The following RUBCN variants were observed in gnomAD, a reference collection of about 807,000 sequenced individuals.
RUBCN encodes run domain Beclin-1-interacting and cysteine-rich domain-containing protein.
RUBCN carries 74 observed loss-of-function variants against 113.2 expected under a neutral mutation model. The ratio of observed to expected loss-of-function variants is 0.65; its 90% confidence interval spans 0.54 to 0.79. The LOEUF (loss-of-function observed/expected upper bound fraction) is 0.79. Among genes scored for constraint, RUBCN ranks in the 30% least tolerant of loss-of-function variants. RUBCN has a pLI of 0.00. For synonymous variants in RUBCN, 480 were observed against 490.0 expected, an observed-to-expected ratio of 0.98 and a Z score of 0.27; for missense variants, 1,109 against 1,251.7, an observed-to-expected ratio of 0.89 and a Z score of 1.72.
rs1721498999 is a variant in RUBCN at position 197,683,505 on chromosome 3, C to G, written c.1848-66G>C. On this transcript the variant is annotated intron_variant, in intron 12 of 19. Transcript: ENST00000296343. This position sits in a 1 kb window ranked among gnomAD's most constrained non-coding sequence, Gnocchi z 4.6. ...GGATGGGCGATGCGAGGCTTCCCTT[C>G]ATGATCTCATCCCCCACGCAGCAAC... The G allele has an allele frequency of 1.3e-6, 2 of 1,585,264 alleles. No individual in the cohort carries two copies. The highest frequency in any genetic ancestry group is 2.2e-5 in the South Asian group (2 of 89,528).
rs369273797 is a variant in RUBCN, at chr3:197,676,977, G to A, written c.2554C>T (p.Leu852=). The change falls in exon 18 of 20, where the codon CTG becomes TTG. Residue 852 remains leucine, a synonymous_variant. Coordinates refer to ENST00000296343, the MANE Select transcript of RUBCN (RefSeq NM_014687.4). ...HLTEDLHLYS[L]NDLTATRKGE... Reference sequence around the variant, plus strand: ...TTCCTGGTCGCAGTCAGGTCATTCAGTGAGTACAGGTGGAGGTCCTCTGTC... The same window carrying A: ...TTCCTGGTCGCAGTCAGGTCATTCAATGAGTACAGGTGGAGGTCCTCTGTC... 8 of 1,614,090 alleles carry A rather than the reference G, an allele frequency of 5.0e-6. No individual in the cohort carries two copies. The highest frequency in any genetic ancestry group is 2.2e-5 in the East Asian group (1 of 44,902).
At chr3:197,677,635 A>G in intron 16 of RUBCN, 94 bp from the exon 17 acceptor site, 1 of 1,132,856 alleles carries the variant, frequency 8.8e-7, no homozygotes, top group Non-Finnish European at 1.3e-6. Flanking sequence ...CTGGGGTTCT[A>G]GAAGCCTTGC....
At position 197,673,546 on chromosome 3, in the gene RUBCN, G is replaced by A. The variant is rs1719992958; in HGVS notation, c.*1472C>T. ...TAGTTCACAGAGCTGCCAGCTCTTGGAGAAGCCACTCTGACCAGTGTTTTC... is the reference window on the plus strand; with the variant it reads ...TAGTTCACAGAGCTGCCAGCTCTTGAAGAAGCCACTCTGACCAGTGTTTTC... On this transcript the variant is annotated 3_prime_UTR_variant, in exon 20 of 20. Transcript: ENST00000296343. 1 of 152,242 alleles carries A rather than the reference G, an allele frequency of 6.6e-6. No homozygotes were observed. The highest frequency in any genetic ancestry group is 2.1e-4 in the South Asian group (1 of 4,832). The allele number at this position is 152,242 out of a possible 1,614,324, so 9.4% of individuals were successfully genotyped here. A position where few individuals can be genotyped will look rare whatever the true frequency, so the allele number is the denominator to read the frequency against.
chr3:197,749,304 T>C, exon 1 of RUBCN: 3 of 1,140,866 alleles, frequency 2.6e-6, no homozygotes, highest in Non-Finnish European at 3.3e-6. Flanking sequence ...ATTAGGGTAG[T>C]GAACACCGTG....
At position 197,726,135 on chromosome 3, in the gene RUBCN, T is replaced by C. The variant is rs1250429720; in HGVS notation, c.66-8005A>G. Among the ~76,000 whole-genome samples the C allele has an allele frequency of 5.9e-5, 9 of 152,254 alleles. No homozygotes were observed. The South Asian group carries it at 8.3e-4, about 14-fold the overall frequency. ...AAAGCGTATGATGTCGCTATACCAT[T>C]CCTTCTAAAAATACTTTAAGACTGT... On this transcript the variant is annotated intron_variant, in intron 1 of 19. Coordinates refer to ENST00000296343, the MANE Select transcript of RUBCN (RefSeq NM_014687.4).
intron 10 of RUBCN, 26 bp downstream of exon 10, chr3:197,694,349 C>A (rs775381138): frequency 6.2e-7 from 1 of 1,607,834 alleles, no homozygotes; most frequent in Non-Finnish European, 8.5e-7. Context: ...AATGTGGGAA[C>A]AGAAGCATCC....
rs780256104 is a variant in RUBCN at position 197,675,152 on chromosome 3, A to C, written c.2785T>G (p.Cys929Gly). 6.2e-7 allele frequency: 1 copy of C among 1,614,106 alleles called. No individual in the cohort carries two copies. The highest frequency in any genetic ancestry group is 2.2e-5 in the East Asian group (1 of 44,890). ...GCCTGCAGCCGCTCGCAGCGCGGAC[A>C]GCTTCCAGACTTGAAGCAGGCTTTA... Reference protein sequence around the residue: ...YHKACFKSGSCPRCERLQARR... With the variant: ...YHKACFKSGSGPRCERLQARR... Residue 929 changes from cysteine (C) to glycine (G), a missense_variant, in exon 20 of 20, where the codon TGT becomes GGT. Cys to Gly is a radical substitution (Grantham distance 159). Transcript: ENST00000296343. The surrounding 1 kb of genome is among the most constrained non-coding windows in gnomAD (Gnocchi z 4.4).
At chr3:197,731,021 A>T (rs1727391107) in intron 1 of RUBCN, among the ~76,000 whole-genome samples, 1 of 149,796 alleles carries the variant, frequency 6.7e-6, no homozygotes, top group Admixed American at 6.7e-5. Flanking sequence ...TTTATTGATC[A>T]TTCTTGGGTG....
intron 10 of RUBCN, 153 bp from the exon 11 acceptor site, chr3:197,693,969 A>G (rs1722714341): frequency 4.7e-6 from 3 of 640,830 alleles, no homozygotes; most frequent in African/African-American, 3.7e-5. Context: ...AGGTACTACT[A>G]TCTGGGAAGC....
chr3:197,729,397 C>A (rs899179144), intron 1 of RUBCN, among the ~76,000 whole-genome samples: 1 of 151,852 alleles, frequency 6.6e-6, no homozygotes. Flanking sequence ...GGACTACAGG[C>A]GCCCGCCACC....
chr3:197,690,788 A>G (rs759668970), intron 11 of RUBCN, among the ~76,000 whole-genome samples: 1 of 152,244 alleles, frequency 6.6e-6, no homozygotes, highest in African/African-American at 2.4e-5. Context: ...CACTACCTCC[A>G]TCAGTCACAA....
intron 2 of RUBCN, among the ~76,000 whole-genome samples, chr3:197,717,270 C>T (rs577336877): frequency 1.3e-5 from 2 of 151,884 alleles, no homozygotes; most frequent in South Asian, 2.1e-4. Context: ...GGTGAAACCC[C>T]GTCTCTACTA....
intron 1 of RUBCN, among the ~76,000 whole-genome samples, chr3:197,735,709 A>C (rs749661901): frequency 3.2e-4 from 49 of 152,036 alleles, no homozygotes; most frequent in Non-Finnish European, 6.0e-4. Flanking sequence ...CTCTCGCCTC[A>C]GCCTCCCGAG....
At chr3:197,694,224 G>A in intron 10 of RUBCN, 151 bp downstream of exon 10, 1 of 800,424 alleles carries the variant, frequency 1.2e-6, no homozygotes, top group Non-Finnish European at 2.2e-6. Flanking sequence ...AGGAAACGGA[G>A]CGACTCTAGG....
intron 5 of RUBCN, among the ~76,000 whole-genome samples, chr3:197,702,374 C>T (rs879835109): frequency 1.6e-4 from 25 of 152,136 alleles, no homozygotes; most frequent in Non-Finnish European, 2.6e-4. Flanking sequence ...CAAAATTAAA[C>T]GAATCAGGCC....
chr3:197,705,856 C>G (rs575753013), intron 2 of RUBCN, among the ~76,000 whole-genome samples: 3 of 152,080 alleles, frequency 2.0e-5, no homozygotes, highest in African/African-American at 2.4e-5. Context: ...GCCTCCCGAA[C>G]AGCTAGAACT....
upstream of RUBCN, among the ~76,000 whole-genome samples, chr3:197,738,751 GT>G (rs11332801): frequency 0.085 from 12,135 of 142,302 alleles, 896 homozygotes; most frequent in African/African-American, 0.21. Flanking sequence ...CAGCTAATTT[GT>G]TTTTTTTTTT....
intron 11 of RUBCN, among the ~76,000 whole-genome samples, chr3:197,686,170 G>A (rs1377857381): frequency 2.6e-5 from 4 of 152,108 alleles, no homozygotes; most frequent in Admixed American, 6.5e-5. Context: ...GAACAGACAG[G>A]TGGTAATTCA....
rs1475 is a variant in RUBCN, at chr3:197,669,095, A to G, written c.*5923T>C. On this transcript the variant is annotated 3_prime_UTR_variant, in exon 20 of 20. Transcript: ENST00000296343. The stretch of plus-strand genomic sequence containing the variant: ...CTTAATCTGGAATAATTTTAGATCC[A>G]CAGTAAAGTTGCAAAGATAGTACAA... 6.6e-6 allele frequency among the ~76,000 whole-genome samples: 1 copy of G among 152,196 alleles called. No homozygotes were observed. Among genetic ancestry groups the G allele is most frequent in the African/African-American group, 2.4e-5 (1 of 41,428 alleles).
Sources: allele counts gnomAD v4.1 joint callset (sites outside exome capture counted in the v4.1 genomes callset), GRCh38; gene constraint gnomAD v4.1.1; non-coding constraint Gnocchi (gnomAD v3.1); transcripts MANE v1.5; gene names NCBI Gene and HGNC (gene_info 2026-07-23, HGNC 2026-07-21).